The following ANOS1 variants were observed in gnomAD, a reference collection of about 807,000 sequenced individuals.
ANOS1 encodes anosmin 1, also known as anosmin-1.
A neutral mutation model predicts 59.0 loss-of-function variants in ANOS1; 6 were observed. The ratio of observed to expected loss-of-function variants is 0.10; its 90% confidence interval spans 0.06 to 0.20. The LOEUF is 0.20. ANOS1 is among the 10% of genes least tolerant of loss of function. The pLI is 1.00. For synonymous variants in ANOS1, 217 were observed against 223.4 expected (o/e 0.97, Z 0.25); for missense variants, 433 against 542.3 (o/e 0.80, Z 2.00).
chrX:8,567,603 G>A (rs1930139226), intron 8 of ANOS1, among the ~76,000 whole-genome samples: 1 of 111,760 alleles, frequency 8.9e-6, no homozygotes, highest in African/African-American at 3.3e-5. Flanking sequence ...AGGCCAGCCT[G>A]GCCAACATGG....
At chrX:8,716,904 T>A (rs1479898506) in intron 1 of ANOS1, among the ~76,000 whole-genome samples, 1 of 111,486 alleles carries the variant, frequency 9.0e-6, no homozygotes, top group East Asian at 2.8e-4. Flanking sequence ...CAGAGACAGA[T>A]GGAATAGATA....
chrX:8,640,340 G>A (rs1324839192), intron 2 of ANOS1, among the ~76,000 whole-genome samples: 1 of 111,075 alleles, frequency 9.0e-6, no homozygotes, highest in Non-Finnish European at 1.9e-5. Flanking sequence ...GAAGCGGGAA[G>A]AGGAGAGACA....
intron 7 of ANOS1, among the ~76,000 whole-genome samples, chrX:8,569,614 T>C (rs763735211): frequency 8.0e-5 from 9 of 111,824 alleles, no homozygotes; most frequent in African/African-American, 1.6e-4. Context: ...TGCACTCCAG[T>C]CTGAGAGACA....
At chrX:8,544,804 C>T (rs1454037847) in intron 9 of ANOS1, among the ~76,000 whole-genome samples, 2 of 109,922 alleles carry the variant, frequency 1.8e-5, no homozygotes, top group Non-Finnish European at 1.9e-5. Context: ...CTGTGGGTCA[C>T]GCCTGTAATC....
intron 5 of ANOS1, 90 bp from the exon 6 acceptor site, chrX:8,585,486 T>C (rs1930495951): frequency 9.8e-7 from 1 of 1,016,767 alleles, no homozygotes; most frequent in Non-Finnish European, 1.4e-6. Context: ...CACTAACCCA[T>C]CAGCCAATGC....
chrX:8,586,674 G>GTAAATCAAATGGAA (rs1930514810), intron 5 of ANOS1, among the ~76,000 whole-genome samples: 1 of 111,269 alleles, frequency 9.0e-6, no homozygotes, highest in Non-Finnish European at 1.9e-5. Flanking sequence ...AGCATGCCGT[G>GTAAATCAAATGGAA]TAAATCAAAT....
intron 2 of ANOS1, among the ~76,000 whole-genome samples, chrX:8,637,293 C>T (rs1156542302): frequency 8.9e-6 from 1 of 111,873 alleles, no homozygotes; most frequent in African/African-American, 3.2e-5. Context: ...CCCTTGTTAT[C>T]CCCTTGACTG....
intron 3 of ANOS1, among the ~76,000 whole-genome samples, chrX:8,612,200 A>C (rs1305787457): frequency 2.7e-5 from 3 of 112,248 alleles, no homozygotes; most frequent in South Asian, 3.7e-4. Flanking sequence ...ATCAGTAGGA[A>C]GATATATGTA....
intron 2 of ANOS1, among the ~76,000 whole-genome samples, chrX:8,667,307 T>C (rs12008848): frequency 0.03 from 3,295 of 109,274 alleles, 126 homozygotes; most frequent in African/African-American, 0.1. Flanking sequence ...TGTTTGTTTT[T>C]TGCGGGGGGA....
intron 8 of ANOS1, among the ~76,000 whole-genome samples, chrX:8,562,217 AG>A (rs1930044920): frequency 9.1e-6 from 1 of 110,190 alleles, no homozygotes; most frequent in South Asian, 3.7e-4. Context: ...CTGGGATTAC[AG>A]GCGTGAGCTA....
intron 2 of ANOS1, among the ~76,000 whole-genome samples, chrX:8,682,449 G>A (rs1190888838): frequency 4.5e-5 from 5 of 110,662 alleles, no homozygotes; most frequent in African/African-American, 1.7e-4. Flanking sequence ...TTTAACACAT[G>A]CTATATGGCT....
intron 3 of ANOS1, among the ~76,000 whole-genome samples, chrX:8,619,396 G>A (rs902763759): frequency 9.0e-6 from 1 of 111,399 alleles, no homozygotes; most frequent in Non-Finnish European, 1.9e-5. Context: ...ACAAGGTCAG[G>A]AGATGGAGAC....
chrX:8,689,198 T>C (rs1932566783), intron 2 of ANOS1, among the ~76,000 whole-genome samples: 1 of 112,077 alleles, frequency 8.9e-6, no homozygotes, highest in South Asian at 3.7e-4. Context: ...TTGAAACTAG[T>C]TGTTTATGTA....
At chrX:8,574,303 C>CAAA (rs377507452) in intron 6 of ANOS1, among the ~76,000 whole-genome samples, 1 of 80,073 alleles carries the variant, frequency 1.2e-5, no homozygotes. Context: ...CTCCATTTAC[C>CAAA]AAAAAAAAAA....
intron 2 of ANOS1, among the ~76,000 whole-genome samples, chrX:8,633,671 T>A (rs1931526898): frequency 9.0e-6 from 1 of 111,197 alleles, no homozygotes; most frequent in Admixed American, 9.6e-5. Flanking sequence ...CCTCCAAGAA[T>A]GGGGGAAAAA....
intron 1 of ANOS1, among the ~76,000 whole-genome samples, chrX:8,724,738 C>T: frequency 8.9e-6 from 1 of 111,964 alleles, no homozygotes; most frequent in Non-Finnish European, 1.9e-5. Context: ...GTGTATATCA[C>T]CTCTTTTAAA....
At position 8,685,660 on chromosome X, in the gene ANOS1, A is replaced by AAAGAAAG. The variant is rs1569082698; in HGVS notation, c.255+14037_255+14038insCTTTCTT. ...AGAAAGAAAGAAAGAAAGAAAGAAA[A>AAAGAAAG]AGAAAGGAAGGAAGGAGGGAGGAAG... On this transcript the variant is annotated intron_variant, in intron 2 of 13. Coordinates refer to ENST00000262648, the MANE Select transcript of ANOS1 (RefSeq NM_000216.4). 1.3e-4 allele frequency among the ~76,000 whole-genome samples: 13 copies of AAAGAAAG among 97,537 alleles called. No individual in the cohort carries two copies. The East Asian group carries it at 1.5e-3, about 11-fold the overall frequency. The allele number at this position is 97,537 out of a possible 115,157, so 84.7% of individuals were successfully genotyped here. A position where few individuals can be genotyped will look rare whatever the true frequency, so the allele number is the denominator to read the frequency against.
At chrX:8,654,752 C>G (rs1353026656) in intron 2 of ANOS1, among the ~76,000 whole-genome samples, 2 of 112,103 alleles carry the variant, frequency 1.8e-5, no homozygotes, top group African/African-American at 6.5e-5. Flanking sequence ...GGCCGGGTGT[C>G]TCATTCAAAG....
At chrX:8,551,095 G>A (rs932625950) in intron 9 of ANOS1, among the ~76,000 whole-genome samples, 2 of 111,310 alleles carry the variant, frequency 1.8e-5, no homozygotes, top group East Asian at 2.8e-4. Flanking sequence ...TTCACCTTCC[G>A]CAATGATTGT....
Sources: gnomAD v4.1 joint callset for allele counts (sites outside exome capture counted in the v4.1 genomes callset) on GRCh38, gnomAD v4.1.1 for gene constraint, MANE v1.5 for transcripts, NCBI Gene and HGNC (gene_info 2026-07-23, HGNC 2026-07-21) for gene names.